Variants in ANKRD11 observed in about 807,000 individuals in gnomAD.
The protein encoded by ANKRD11 is ankyrin repeat domain 11.
Under a neutral mutation model 195.7 loss-of-function variants are expected in ANKRD11, and 17 were observed. The ratio of observed to expected loss-of-function variants is 0.09; its 90% confidence interval spans 0.06 to 0.13. The LOEUF is 0.13. Ranked by LOEUF, ANKRD11 falls within the 10% of genes least tolerant of loss-of-function variation. The pLI, the probability that ANKRD11 is intolerant of heterozygous loss-of-function variation, is 1.00. For missense variants in ANKRD11, 3,735 were observed against 3,566.1 expected (o/e 1.05, Z -1.21); for synonymous variants, 1,953 against 1,528.1 (o/e 1.28, Z -6.49).
intron 2 of ANKRD11, chr16:89,339,863 TACTC>T (rs1275335915): frequency 1.3e-5 from 2 of 152,008 alleles, no homozygotes; most frequent in Non-Finnish European, 2.9e-5. Context: ...GGCGCTTTGA[TACTC>T]ACGCTACACA....
At chr16:89,424,132 G>C (rs549378315) in intron 1 of ANKRD11, among the ~76,000 whole-genome samples, 2 of 152,232 alleles carry the variant, frequency 1.3e-5, no homozygotes, top group Non-Finnish European at 2.9e-5. Context: ...CCAGGCACCT[G>C]ATCTTGCAAG....
chr16:89,352,664 T>C (rs1208920380), intron 2 of ANKRD11, among the ~76,000 whole-genome samples: 1 of 152,146 alleles, frequency 6.6e-6, no homozygotes. Context: ...AGCACCAAAG[T>C]GTTCTGTGCC....
chr16:89,346,981 C>T (rs1366176910), intron 2 of ANKRD11, among the ~76,000 whole-genome samples: 5 of 152,220 alleles, frequency 3.3e-5, no homozygotes, highest in Non-Finnish European at 4.4e-5. Context: ...AATAGGAAGG[C>T]GCGAACTGTC....
intron 1 of ANKRD11, among the ~76,000 whole-genome samples, chr16:89,480,107 T>C (rs1401031086): frequency 6.7e-6 from 1 of 149,808 alleles, no homozygotes; most frequent in Non-Finnish European, 1.5e-5. Flanking sequence ...CAAGACTCAG[T>C]CTCAAAAAAA....
intron 2 of ANKRD11, among the ~76,000 whole-genome samples, chr16:89,388,724 G>A (rs2041040238): frequency 6.6e-6 from 1 of 152,160 alleles, no homozygotes; most frequent in South Asian, 2.1e-4. Flanking sequence ...AGAAGAGCCG[G>A]CAGGTCCCGG....
intron 1 of ANKRD11, among the ~76,000 whole-genome samples, chr16:89,456,034 T>A (rs550087684): frequency 7.3e-5 from 11 of 150,916 alleles, no homozygotes; most frequent in Admixed American, 6.6e-4. Flanking sequence ...AGGTCAGGAG[T>A]TTGAGACCAG....
intron 1 of ANKRD11, among the ~76,000 whole-genome samples, chr16:89,489,702 G>C (rs190058519): frequency 0.043 from 6,207 of 145,412 alleles, 161 homozygotes; most frequent in Non-Finnish European, 0.068. Flanking sequence ...AGCCCCTCCC[G>C]GCAGCCTCAG....
chr16:89,431,813 C>T (rs949159572), intron 1 of ANKRD11, among the ~76,000 whole-genome samples: 4 of 152,138 alleles, frequency 2.6e-5, no homozygotes, highest in African/African-American at 9.7e-5. Flanking sequence ...ATGTTCCCAC[C>T]TTACTCGGCT....
intron 2 of ANKRD11, among the ~76,000 whole-genome samples, chr16:89,417,971 C>A (rs1210936984): frequency 2.6e-5 from 4 of 152,210 alleles, no homozygotes; most frequent in Non-Finnish European, 5.9e-5. Context: ...ACCAGACCAT[C>A]TGAGGATGAA....
At chr16:89,287,691 A>T (rs895179780) in intron 7 of ANKRD11, 2 of 159,910 alleles carry the variant, frequency 1.3e-5, no homozygotes, top group Non-Finnish European at 2.7e-5. Context: ...TTTAACATCA[A>T]ATAGGGACTC....
intron 2 of ANKRD11, among the ~76,000 whole-genome samples, chr16:89,385,782 G>A (rs1026218127): frequency 6.6e-6 from 1 of 152,242 alleles, no homozygotes; most frequent in East Asian, 1.9e-4. Flanking sequence ...CAGTGAGACC[G>A]TGCCAGAGCC....
chr16:89,313,593 A>G (rs1453414570), intron 3 of ANKRD11: 38 of 1,288,990 alleles, frequency 2.9e-5, no homozygotes, highest in Non-Finnish European at 3.3e-5. Flanking sequence ...GAAAAATCTA[A>G]AAATATATTG....
At chr16:89,270,724 C>T (rs913391976) in intron 12 of ANKRD11, 93 bp downstream of exon 12, 2 of 1,277,890 alleles carry the variant, frequency 1.6e-6, no homozygotes, top group African/African-American at 1.5e-5. Flanking sequence ...CAGCGGCCTC[C>T]CCCCAGGCAG....
chr16:89,351,001 G>A (rs2152029548), intron 2 of ANKRD11, among the ~76,000 whole-genome samples: 1 of 152,330 alleles, frequency 6.6e-6, no homozygotes, highest in East Asian at 1.9e-4. Context: ...CGCACACTCT[G>A]TGATGCTCAG....
rs758502813 is a variant in ANKRD11, at chr16:89,274,825, G to A, written c.7702C>T (p.Leu2568=). 35 of 1,611,186 alleles carry A rather than the reference G, an allele frequency of 2.2e-5. No homozygotes were observed. The African/African-American group carries it at 2.9e-4, about 14-fold the overall frequency. ...LLDSEVYNMP[L]ESQGDENKSV... is the part of the protein sequence containing the mutation. ...CAGACGGGCCCTACCTGGCTCTCCA[G>A]GGGCATGTTGTAGACCTCGGAGTCC... The change falls in exon 11 of 13, where the codon CTG becomes TTG. Residue 2568 remains leucine (L), a synonymous_variant. Coordinates refer to ENST00000301030, the MANE Select transcript of ANKRD11 (RefSeq NM_013275.6).
rs750415803 is a variant in ANKRD11 at position 89,274,817 on chromosome 16, G to A, written c.7710C>T (p.Ser2570=). 3 of 1,610,424 alleles carry A rather than the reference G, an allele frequency of 1.9e-6. No individual in the cohort carries two copies. Among genetic ancestry groups the A allele is most frequent in the South Asian group, 1.1e-5 (1 of 91,010 alleles). ...DSEVYNMPLE[S]QGDENKSVRD... ...CTGGCATGCAGACGGGCCCTACCTG[G>A]CTCTCCAGGGGCATGTTGTAGACCT... The change falls in exon 11 of 13, where the codon AGC becomes AGT. Residue 2570 remains serine, a synonymous_variant. Coordinates refer to ENST00000301030, the MANE Select transcript of ANKRD11 (RefSeq NM_013275.6).
chr16:89,397,412 G>A (rs915295617), intron 2 of ANKRD11, among the ~76,000 whole-genome samples: 2 of 152,228 alleles, frequency 1.3e-5, no homozygotes, highest in African/African-American at 4.8e-5. Context: ...TGTCCTCAGT[G>A]ATTCTGGACT....
rs1351052154 is a variant in ANKRD11, at chr16:89,418,384, G to A, written c.-144-16C>T. ...TGTATATATTCTGAAACAAGAGAGT[G>A]AGATTAGCTCATGTCAATAATAATT... On this transcript the variant is annotated splice_polypyrimidine_tract_variant and intron_variant, in intron 1 of 12. Transcript: ENST00000301030. 4 of 436,750 alleles carry A rather than the reference G, an allele frequency of 9.2e-6. No individual in the cohort carries two copies. The highest frequency in any genetic ancestry group is 1.4e-5 in the Non-Finnish European group (3 of 214,492). The allele number at this position is 436,750 out of a possible 1,614,324, so 27.1% of individuals were successfully genotyped here.
chr16:89,279,509 C>A lies in ANKRD11; in HGVS notation c.7033G>T (p.Ala2345Ser). Residue 2345 changes from alanine (A) to serine (S), a missense_variant, in exon 9 of 13, where the codon GCG (alanine) becomes TCG (serine). Ala to Ser is a moderately conservative substitution (Grantham distance 99, BLOSUM62 1). Coordinates refer to ENST00000301030, the MANE Select transcript of ANKRD11 (RefSeq NM_013275.6). The surrounding 1 kb of genome is among the most constrained non-coding windows in gnomAD (Gnocchi z 5.6). Reference sequence around the variant, plus strand: ...GGCGGGCCCTGCTTGCTCTGGTTCGCGAGCATCTGCGCCCGGTTCCTGGTC... The same window carrying A: ...GGCGGGCCCTGCTTGCTCTGGTTCGAGAGCATCTGCGCCCGGTTCCTGGTC... ...RMTRNRAQML[A>S]NQSKQGPPPS... is the part of the protein sequence containing the mutation. 1 of 1,364,456 alleles carries A rather than the reference C, an allele frequency of 7.3e-7. No homozygotes were observed. Among genetic ancestry groups the A allele is most frequent in the Non-Finnish European group, 1.0e-6 (1 of 1,002,570 alleles). The allele number at this position is 1,364,456 out of a possible 1,614,324, so 84.5% of individuals were successfully genotyped here.
Sources: gnomAD v4.1 joint callset for allele counts (sites outside exome capture counted in the v4.1 genomes callset) on GRCh38, gnomAD v4.1.1 for gene constraint, Gnocchi (gnomAD v3.1) non-coding constraint, MANE v1.5 for transcripts, NCBI Gene and HGNC (gene_info 2026-07-23, HGNC 2026-07-21) for gene names.